GNA12: variants seen among roughly 807,000 people sequenced by gnomAD.
GNA12 encodes G protein subunit alpha 12.
A neutral mutation model predicts 26.0 loss-of-function variants in GNA12; 9 were observed. The observed-to-expected ratio is 0.35, with a 90% CI of 0.21 to 0.60. The LOEUF (loss-of-function observed/expected upper bound fraction) is 0.60. GNA12 is among the 20% of genes least tolerant of loss of function. The pLI, the probability that GNA12 is intolerant of heterozygous loss-of-function variation, is 0.78. For synonymous variants in GNA12, 264 were observed against 219.6 expected (o/e 1.20, Z -1.79); for missense variants, 405 against 525.8 (o/e 0.77, Z 2.25).
At chr7:2,792,188 C>T (rs1792537472) in intron 2 of GNA12, among the ~76,000 whole-genome samples, 1 of 152,202 alleles carries the variant, frequency 6.6e-6, no homozygotes, top group African/African-American at 2.4e-5. Context: ...ATATCCCCAG[C>T]ATGTAGCACC....
Position 2,834,966 on chromosome 7 carries a change from C to T in GNA12, c.309+8887G>A, listed in dbSNP as rs183719407. Among the ~76,000 whole-genome samples, 6 of 151,646 alleles carry T rather than the reference C, an allele frequency of 4.0e-5. No individual in the cohort carries two copies. In the East Asian group the frequency reaches 1.2e-3, roughly 29 times the overall value. On this transcript the variant is annotated intron_variant, in intron 1 of 3. Coordinates refer to ENST00000275364, the MANE Select transcript of GNA12 (RefSeq NM_007353.3). ...CAATGCGTGACTATGCATCGCGATG[C>T]ATGACTATACATTGCGATGCGTGAC...
intron 2 of GNA12, among the ~76,000 whole-genome samples, chr7:2,770,806 G>C (rs1395707622): frequency 6.6e-6 from 1 of 152,200 alleles, no homozygotes; most frequent in Non-Finnish European, 1.5e-5. Flanking sequence ...CAGAGTTACT[G>C]AAACCGAATG....
intron 1 of GNA12, among the ~76,000 whole-genome samples, chr7:2,842,322 A>AT (rs113098085): frequency 2.6e-5 from 4 of 151,588 alleles, no homozygotes; most frequent in South Asian, 2.1e-4. Flanking sequence ...TGGTTCTTTT[A>AT]TTTTTTTTCA....
chr7:2,749,906 TG>T (rs1287660321), intron 2 of GNA12, among the ~76,000 whole-genome samples: 1 of 152,142 alleles, frequency 6.6e-6, no homozygotes, highest in Non-Finnish European at 1.5e-5. Context: ...CAGGCATCTT[TG>T]GGGCAATTCC....
chr7:2,784,898 G>A (rs943806257), intron 2 of GNA12, among the ~76,000 whole-genome samples: 4 of 151,772 alleles, frequency 2.6e-5, no homozygotes, highest in African/African-American at 9.7e-5. Flanking sequence ...TTTCCTTTAG[G>A]GTTTCTGGTC....
intron 2 of GNA12, among the ~76,000 whole-genome samples, chr7:2,767,834 T>C (rs1044786005): frequency 1.3e-5 from 2 of 152,318 alleles, no homozygotes; most frequent in Admixed American, 6.5e-5. Context: ...GTGTGAACAG[T>C]TGTACTAATG....
chr7:2,836,866 G>A (rs1233465909), intron 1 of GNA12, among the ~76,000 whole-genome samples: 1 of 152,182 alleles, frequency 6.6e-6, no homozygotes, highest in African/African-American at 2.4e-5. Flanking sequence ...GGAGGTTGCA[G>A]TGAGCCAGGA....
intron 2 of GNA12, among the ~76,000 whole-genome samples, chr7:2,738,536 C>T (rs1790330585): frequency 2.6e-5 from 4 of 151,902 alleles, no homozygotes; most frequent in Admixed American, 2.6e-4. Context: ...TAAGAAATGG[C>T]GGGAGACTAA....
intron 1 of GNA12, among the ~76,000 whole-genome samples, chr7:2,825,834 C>T (rs1793472632): frequency 6.6e-6 from 1 of 152,118 alleles, no homozygotes; most frequent in Admixed American, 6.5e-5. Context: ...TTAGAGTACG[C>T]TCATTCCAGC....
At position 2,799,454 on chromosome 7, in the gene GNA12, C is replaced by T. The variant is rs565619073; in HGVS notation, c.310-4311G>A. Among the ~76,000 whole-genome samples, 49 of 152,168 alleles carry T rather than the reference C, an allele frequency of 3.2e-4. 1 individual carries two copies. The highest frequency in any genetic ancestry group is 1.8e-3 in the Admixed American group (28 of 15,282). ...CAAATTAGGCAGGCATGGTGGCACACGCTGATAGTTCCAGCTACTCAGGAG... is the reference window on the plus strand; with the variant it reads ...CAAATTAGGCAGGCATGGTGGCACATGCTGATAGTTCCAGCTACTCAGGAG... On this transcript the variant is annotated intron_variant, in intron 1 of 3. Coordinates refer to ENST00000275364, the MANE Select transcript of GNA12 (RefSeq NM_007353.3).
In GNA12 at chr7:2,784,831, T is replaced by C. The variant is rs111919755; in HGVS notation, c.525+10097A>G. Among the ~76,000 whole-genome samples the C allele has an allele frequency of 2.0e-5, 3 of 152,248 alleles. No homozygotes were observed. The South Asian group carries it at 6.2e-4, about 31-fold the overall frequency. On this transcript the variant is annotated intron_variant, in intron 2 of 3. Coordinates refer to ENST00000275364, the MANE Select transcript of GNA12 (RefSeq NM_007353.3). The stretch of plus-strand genomic sequence containing the variant: ...AATTTGTCATTTGACTCTTAATTTA[T>C]GTTGACTTTTGCCATACAAATGTTA...
At position 2,843,945 on chromosome 7, in the gene GNA12, A is replaced by G; in HGVS notation, c.217T>C (p.Phe73Leu). The G allele has an allele frequency of 1.9e-6, 3 of 1,591,894 alleles. No individual in the cohort carries two copies. The highest frequency in any genetic ancestry group is 2.6e-6 in the Non-Finnish European group (3 of 1,171,064). ...TGGATGATGCGCATCTGCTTGAGGAACGTGGACTTGCCGCTCTCGCCCGCG... is the reference window on the plus strand; with the variant it reads ...TGGATGATGCGCATCTGCTTGAGGAGCGTGGACTTGCCGCTCTCGCCCGCG... Reference protein sequence around the residue: ...LGAGESGKSTFLKQMRIIHGR... With the variant: ...LGAGESGKSTLLKQMRIIHGR... Residue 73 changes from phenylalanine to leucine, a missense_variant, in exon 1 of 4, where the codon TTC (phenylalanine) becomes CTC (leucine). By Grantham distance (22) the Phe-to-Leu change is conservative. Coordinates refer to ENST00000275364, the MANE Select transcript of GNA12 (RefSeq NM_007353.3).
chr7:2,799,949 A>G (rs983148024), intron 1 of GNA12, among the ~76,000 whole-genome samples: 18 of 152,252 alleles, frequency 1.2e-4, no homozygotes, highest in Admixed American at 7.8e-4. Context: ...CAAATGGCAC[A>G]AACTAGAAAA....
At chr7:2,747,956 T>C (rs976671105) in intron 2 of GNA12, among the ~76,000 whole-genome samples, 32 of 151,324 alleles carry the variant, frequency 2.1e-4, no homozygotes, top group Admixed American at 5.3e-4. Flanking sequence ...TTACAAGGGA[T>C]GTGAAGGACC....
At chr7:2,750,441 G>A (rs1390094036) in intron 2 of GNA12, among the ~76,000 whole-genome samples, 2 of 152,246 alleles carry the variant, frequency 1.3e-5, no homozygotes, top group African/African-American at 4.8e-5. Flanking sequence ...GACCTCAGTG[G>A]ATGCCTGAAG....
intron 1 of GNA12, among the ~76,000 whole-genome samples, chr7:2,839,165 C>T (rs1393111102): frequency 2.0e-5 from 3 of 152,224 alleles, no homozygotes; most frequent in African/African-American, 7.2e-5. Context: ...AGAAGTGAAA[C>T]CATACACAGT....
intron 2 of GNA12, among the ~76,000 whole-genome samples, chr7:2,780,123 A>G (rs1172577549): frequency 7.2e-6 from 1 of 138,698 alleles, no homozygotes; most frequent in Non-Finnish European, 1.5e-5. Context: ...CAGAAACAGG[A>G]TATATATTTT....
intron 2 of GNA12, among the ~76,000 whole-genome samples, chr7:2,754,541 G>A (rs1394797536): frequency 2.0e-5 from 3 of 150,816 alleles, no homozygotes; most frequent in Admixed American, 6.6e-5. Context: ...TTAGGGGCTC[G>A]AAACCAACCT....
intron 2 of GNA12, among the ~76,000 whole-genome samples, chr7:2,740,027 G>A (rs138899901): frequency 2.3e-4 from 35 of 152,224 alleles, no homozygotes; most frequent in Middle Eastern, 3.4e-3. Flanking sequence ...TGTTCTCCAC[G>A]GCGGCTGCAC....
Sources: gnomAD v4.1 joint callset for allele counts (sites outside exome capture counted in the v4.1 genomes callset) on GRCh38, gnomAD v4.1.1 for gene constraint, MANE v1.5 for transcripts, NCBI Gene and HGNC (gene_info 2026-07-23, HGNC 2026-07-21) for gene names.